Variants in IQSEC2 observed in about 807,000 individuals in gnomAD.
IQSEC2 encodes IQ motif and Sec7 domain ArfGEF 2.
In IQSEC2, 6 loss-of-function variants were observed where a neutral mutation model predicts 74.6. The observed-to-expected ratio is 0.08, with a 90% CI of 0.04 to 0.16. The LOEUF is 0.16. Ranked by LOEUF, IQSEC2 falls within the 10% of genes least tolerant of loss-of-function variation. The probability of loss-of-function intolerance (pLI) is 1.00; values close to 1 mark genes in which losing one functional copy is unlikely to be tolerated. For missense variants in IQSEC2, 734 were observed against 1,306.2 expected (o/e 0.56, Z 6.75); for synonymous variants, 494 against 544.5 (o/e 0.91, Z 1.29).
At chrX:53,244,942 T>C (rs1245394772) in intron 8 of IQSEC2, among the ~76,000 whole-genome samples, 2 of 108,825 alleles carry the variant, frequency 1.8e-5, no homozygotes, top group African/African-American at 3.3e-5. Context: ...AAGTTACACA[T>C]ACACACACAC....
chrX:53,284,760 A>T (rs1329786526), intron 2 of IQSEC2, among the ~76,000 whole-genome samples: 1 of 111,853 alleles, frequency 8.9e-6, no homozygotes, highest in Non-Finnish European at 1.9e-5. Flanking sequence ...CTGGTCACAC[A>T]TGGTGGGGGG....
At position 53,321,099 on chromosome X, in the gene IQSEC2, C is replaced by T. The variant is rs1556880348; in HGVS notation, c.25G>A (p.Gly9Ser). Reference protein sequence around the residue: MEAGSGPPGGPGSESPNRA... With the variant: MEAGSGPPSGPGSESPNRA... ...TTTGGGCTCTCGGATCCCGGGCCGCCCGGGGGCCCCGACCCCGCCTCCATC... is the reference window on the plus strand; with the variant it reads ...TTTGGGCTCTCGGATCCCGGGCCGCTCGGGGGCCCCGACCCCGCCTCCATC... The change falls in exon 1 of 15, where the codon GGC becomes AGC. Residue 9 changes from glycine to serine, a missense_variant. By Grantham distance (56) the Gly-to-Ser change is moderately conservative. Transcript: ENST00000642864. The T allele has an allele frequency of 2.6e-6, 3 of 1,149,089 alleles. No individual in the cohort carries two copies. The highest frequency in any genetic ancestry group is 5.2e-5 in the Admixed American group (2 of 38,781). 94.7% of individuals were successfully genotyped at this position (1,149,089 alleles called of 1,213,427 possible). A position where few individuals can be genotyped will look rare whatever the true frequency, so the allele number is the denominator to read the frequency against.
chrX:53,281,990 T>C (rs1556870969), intron 2 of IQSEC2, among the ~76,000 whole-genome samples: 1 of 112,389 alleles, frequency 8.9e-6, no homozygotes, highest in Non-Finnish European at 1.9e-5. Flanking sequence ...CAGAAACCTT[T>C]CCATAGAAGC....
intron 2 of IQSEC2, among the ~76,000 whole-genome samples, chrX:53,286,987 A>G (rs2075039400): frequency 9.1e-6 from 1 of 109,480 alleles, no homozygotes; most frequent in Admixed American, 9.8e-5. Flanking sequence ...AGAAAGAAAA[A>G]GAGATGACAG....
At chrX:53,252,814 T>C (rs1556864058) in intron 4 of IQSEC2, among the ~76,000 whole-genome samples, 1 of 112,037 alleles carries the variant, frequency 8.9e-6, no homozygotes, top group Non-Finnish European at 1.9e-5. Flanking sequence ...GGGTAATTTG[T>C]TACACAGCAA....
chrX:53,315,667 C>T (rs781786413), intron 1 of IQSEC2, among the ~76,000 whole-genome samples: 5 of 112,128 alleles, frequency 4.5e-5, no homozygotes, highest in Admixed American at 9.5e-5. Context: ...ACATGGAAAG[C>T]GCTTAGAACA....
chrX:53,314,797 G>T (rs2075353334), intron 1 of IQSEC2, among the ~76,000 whole-genome samples: 1 of 111,834 alleles, frequency 8.9e-6, no homozygotes, highest in South Asian at 3.7e-4. Context: ...ACATGGTCTG[G>T]CTGCACCTCA....
chrX:53,255,295 G>A (rs2037867773), intron 3 of IQSEC2, among the ~76,000 whole-genome samples: 1 of 111,124 alleles, frequency 9.0e-6, no homozygotes, highest in African/African-American at 3.3e-5. Context: ...GAAAGGCAGA[G>A]AAGGAAGGAA....
intron 8 of IQSEC2, among the ~76,000 whole-genome samples, chrX:53,244,308 C>T (rs1329561300): frequency 4.5e-5 from 5 of 110,365 alleles, no homozygotes; most frequent in African/African-American, 1.6e-4. Flanking sequence ...GTGGATCGCT[C>T]GAGCCCAGGA....
chrX:53,286,303 G>C (rs1287263363), intron 2 of IQSEC2, among the ~76,000 whole-genome samples: 1 of 112,276 alleles, frequency 8.9e-6, no homozygotes, highest in Non-Finnish European at 1.9e-5. Context: ...AGTGAGCAAA[G>C]GTCATCTTGC....
chrX:53,301,862 A>T (rs1274302383), intron 1 of IQSEC2, among the ~76,000 whole-genome samples: 1 of 112,252 alleles, frequency 8.9e-6, no homozygotes, highest in Non-Finnish European at 1.9e-5. Flanking sequence ...GGATGAATCC[A>T]TTCTCCTCTC....
chrX:53,265,964 T>C (rs1290832364), intron 2 of IQSEC2, among the ~76,000 whole-genome samples: 1 of 112,515 alleles, frequency 8.9e-6, no homozygotes, highest in Admixed American at 9.4e-5. Context: ...AATCATAAAA[T>C]TGCAGTGGAA....
chrX:53,264,462 C>G (rs1556867239), intron 2 of IQSEC2, among the ~76,000 whole-genome samples: 1 of 104,318 alleles, frequency 9.6e-6, no homozygotes, highest in Non-Finnish European at 2.0e-5. Flanking sequence ...TCCCCACCCC[C>G]ACACTTGCTT....
intron 9 of IQSEC2, 67 bp downstream of exon 9, chrX:53,243,265 G>C (rs1354694622): frequency 1.0e-6 from 1 of 993,389 alleles, no homozygotes; most frequent in Non-Finnish European, 1.4e-6. Flanking sequence ...GAGGTGCAGT[G>C]ACTTACCACT....
intron 1 of IQSEC2, among the ~76,000 whole-genome samples, chrX:53,316,831 CAAA>C (rs376964568): frequency 4.1e-5 from 3 of 73,218 alleles, no homozygotes. Flanking sequence ...AAACCAAAAC[CAAA>C]AAAAAAAAAA....
chrX:53,243,533 C>A, intron 8 of IQSEC2, 62 bp from the exon 9 acceptor site: 2 of 1,108,714 alleles, frequency 1.8e-6, no homozygotes, highest in Non-Finnish European at 2.4e-6. Context: ...GGTAGGGGTG[C>A]TCCACCACCC....
rs1569302421 is a variant in IQSEC2 at position 53,250,872 on chromosome X, A to G, written c.1704T>C (p.Arg568=). Residue 568 remains arginine (R), a synonymous_variant, in exon 5 of 15, where the codon CGT becomes CGC. Coordinates refer to ENST00000642864, the MANE Select transcript of IQSEC2 (RefSeq NM_001111125.3). The stretch of plus-strand genomic sequence containing the variant: ...CGGGACCCCTGCGAGTGCCTTCCTC[A>G]CGGCTACCGTCTTCCCGGGTTCCTG... The part of the protein sequence containing the change: ...VPSGTREDGS[R]EEGTRRGPGC... 2.5e-6 allele frequency: 3 copies of G among 1,208,979 alleles called. No individual in the cohort carries two copies. The highest frequency in any genetic ancestry group is 3.4e-6 in the Non-Finnish European group (3 of 893,479).
At chrX:53,281,529 G>T in intron 2 of IQSEC2, 1 of 1,154,314 alleles carries the variant, frequency 8.7e-7, no homozygotes, top group Non-Finnish European at 1.2e-6. Flanking sequence ...CATGGGTCTG[G>T]ACCTGTCCCA....
chrX:53,304,712 G>A (rs967935345), intron 1 of IQSEC2, among the ~76,000 whole-genome samples: 1 of 111,255 alleles, frequency 9.0e-6, no homozygotes, highest in Non-Finnish European at 1.9e-5. Context: ...TAGTTGCCAG[G>A]GAGCCCCTGG....
Sources: allele counts gnomAD v4.1 joint callset (sites outside exome capture counted in the v4.1 genomes callset), GRCh38; gene constraint gnomAD v4.1.1; transcripts MANE v1.5; gene names NCBI Gene and HGNC (gene_info 2026-07-23, HGNC 2026-07-21).